The following LTF variants were observed in gnomAD, a reference collection of about 807,000 sequenced individuals.
LTF encodes epididymis luminal protein 110.
Under a neutral mutation model 87.2 loss-of-function variants are expected in LTF, and 91 were observed. That is an observed-to-expected ratio of 1.04 (90% CI 0.88 to 1.24). The LOEUF is 1.24. Among genes scored for constraint, LTF ranks in the 50% most tolerant of loss-of-function variants. The pLI, the probability that LTF is intolerant of heterozygous loss-of-function variation, is 0.00. For synonymous variants in LTF, 378 were observed against 356.1 expected, an observed-to-expected ratio of 1.06 and a Z score of -0.69; for missense variants, 901 against 904.3, an observed-to-expected ratio of 1.00 and a Z score of 0.05.
At chr3:46,463,927 A>C (rs1018187832) in intron 1 of LTF, among the ~76,000 whole-genome samples, 8 of 152,068 alleles carry the variant, frequency 5.3e-5, no homozygotes, top group African/African-American at 1.4e-4. Context: ...ATCCACCGCC[A>C]CCTCTTCCAT....
chr3:46,437,826 TA>T, intron 16 of LTF, 113 bp downstream of exon 16: 1 of 781,778 alleles, frequency 1.3e-6, no homozygotes, highest in Non-Finnish European at 2.2e-6. Flanking sequence ...AAAGAGATAT[TA>T]TCTTTCCTTA....
At chr3:46,454,269 G>A (rs780409363) in intron 6 of LTF, 36 bp downstream of exon 6, 3 of 1,594,254 alleles carry the variant, frequency 1.9e-6, no homozygotes, top group Non-Finnish European at 1.7e-6. Flanking sequence ...TAAGATAAAA[G>A]GGGTCAGTAC....
intron 6 of LTF, among the ~76,000 whole-genome samples, chr3:46,453,731 C>T (rs987535115): frequency 5.3e-5 from 8 of 152,118 alleles, no homozygotes; most frequent in Non-Finnish European, 8.8e-5. Context: ...CCAGGAGGGA[C>T]GCTGTCCAGC....
chr3:46,479,831 A>G (rs936972255), intron 1 of LTF, among the ~76,000 whole-genome samples: 9 of 152,198 alleles, frequency 5.9e-5, no homozygotes, highest in Non-Finnish European at 1.2e-4. Context: ...CCCGGCCAGA[A>G]GTGGCTTTGA....
rs941092029 is a variant in LTF, at chr3:46,445,165, G to A, written c.1513+116C>T. On this transcript the variant is annotated intron_variant, in intron 12 of 16. Transcript: ENST00000231751. ...GGGAGAATTTCCTTATGCTGGAAGAGGCCTGCAGGCCACTATCAGCCTGCA... is the reference window on the plus strand; with the variant it reads ...GGGAGAATTTCCTTATGCTGGAAGAAGCCTGCAGGCCACTATCAGCCTGCA... The A allele has an allele frequency of 1.2e-5, 13 of 1,080,406 alleles. No homozygotes were observed. The African/African-American group carries it at 1.8e-4, about 15-fold the overall frequency. The allele number at this position is 1,080,406 out of a possible 1,614,324, so 66.9% of individuals were successfully genotyped here. A position where few individuals can be genotyped will look rare whatever the true frequency, so the allele number is the denominator to read the frequency against.
At position 46,482,769 on chromosome 3, in the gene LTF, GAA is replaced by G. The variant is rs1703466142; in HGVS notation, c.-320+2215_-320+2216del. Among the ~76,000 whole-genome samples the G allele has an allele frequency of 7.1e-5, 9 of 126,900 alleles. 1 individual carries two copies. Among genetic ancestry groups the G allele is most frequent in the Admixed American group, 3.5e-4 (4 of 11,272 alleles). The allele number at this position is 126,900 out of a possible 152,430, so 83.3% of individuals were successfully genotyped here. A position where few individuals can be genotyped will look rare whatever the true frequency, so the allele number is the denominator to read the frequency against. On this transcript the variant is annotated intron_variant, in intron 1 of 19. Transcript: ENST00000443496. ...AAGGAAAGAAGGAAAGAGAAAGAAAGAAAGAAAGAAAAAGAAAGAAAGAAAGA... is the reference window on the plus strand; with the variant it reads ...AAGGAAAGAAGGAAAGAGAAAGAAAGAGAAAGAAAAAGAAAGAAAGAAAGA...
At chr3:46,461,078 A>G (rs890268949) in intron 1 of LTF, among the ~76,000 whole-genome samples, 2 of 152,282 alleles carry the variant, frequency 1.3e-5, no homozygotes, top group Non-Finnish European at 1.5e-5. Flanking sequence ...TCATTAGTCA[A>G]AAATGCAAAT....
chr3:46,436,206 G>C lies in LTF; in HGVS notation c.2122C>G (p.Leu708Val). ...CATCTTCTTCGGTTTTACTTCCTGA[G>C]GAATTCACAGGCTTCCAGGAGGGCT... ...TSPLLEACEF[L>V]RK Residue 708 changes from leucine to valine, a missense_variant, in exon 17 of 17, where the codon CTC (leucine) becomes GTC (valine). By Grantham distance (32) the Leu-to-Val change is conservative. Transcript: ENST00000231751. The C allele has an allele frequency of 6.2e-7, 1 of 1,614,170 alleles. No individual in the cohort carries two copies.
At chr3:46,443,979 C>T (rs1424415653) in intron 12 of LTF, among the ~76,000 whole-genome samples, 2 of 152,240 alleles carry the variant, frequency 1.3e-5, no homozygotes, top group East Asian at 3.9e-4. Context: ...GTGCTTGGCC[C>T]TTTGGTATAA....
chr3:46,481,535 G>A (rs1204116080), intron 1 of LTF, among the ~76,000 whole-genome samples: 3 of 152,162 alleles, frequency 2.0e-5, no homozygotes, highest in Admixed American at 6.5e-5. Context: ...CTAAGACTTG[G>A]GTAATTGTGA....
At chr3:46,463,448 C>T (rs374354947) in intron 1 of LTF, 1 of 985,884 alleles carries the variant, frequency 1.0e-6, no homozygotes, top group South Asian at 4.7e-5. Flanking sequence ...ACTCACCCAA[C>T]TTCTGTCAGC....
At chr3:46,472,758 C>A (rs374450644) in intron 1 of LTF, among the ~76,000 whole-genome samples, 1 of 152,052 alleles carries the variant, frequency 6.6e-6, no homozygotes, top group African/African-American at 2.4e-5. Context: ...GAGAGCAATG[C>A]CTCTGAACCA....
chr3:46,456,498 G>T, intron 2 of LTF, 100 bp from the exon 3 acceptor site: 3 of 826,064 alleles, frequency 3.6e-6, no homozygotes, highest in Non-Finnish European at 5.9e-6. Context: ...TGGAAGGGTC[G>T]TCAAAGGGGT....
chr3:46,456,269 G>C (rs371903602), intron 3 of LTF, 21 bp downstream of exon 3: 35 of 1,607,100 alleles, frequency 2.2e-5, no homozygotes, highest in Non-Finnish European at 1.7e-6. Flanking sequence ...CGTGGCCTCT[G>C]GGTCCCCAGG....
chr3:46,439,233 G>A, intron 15 of LTF, 63 bp downstream of exon 15: 2 of 1,491,462 alleles, frequency 1.3e-6, no homozygotes, highest in Admixed American at 4.1e-5. Context: ...CTAGCTCTGT[G>A]ATCTCCTCAC....
chr3:46,455,686 C>T (rs1321195307), intron 4 of LTF, 110 bp downstream of exon 4: 1 of 1,332,972 alleles, frequency 7.5e-7, no homozygotes, highest in Non-Finnish European at 1.0e-6. Flanking sequence ...CAGCCTCACC[C>T]CCACCTTGAT....
chr3:46,463,051 C>G (rs1374084575), intron 1 of LTF, among the ~76,000 whole-genome samples: 2 of 152,130 alleles, frequency 1.3e-5, no homozygotes, highest in African/African-American at 4.8e-5. Context: ...GCTCTTACCT[C>G]CCAGCTCTGG....
In LTF at chr3:46,455,339, G is replaced by A; in HGVS notation, c.603C>T (p.Ala201=). 6.2e-7 allele frequency: 1 copy of A among 1,614,234 alleles called. No homozygotes were observed. Among genetic ancestry groups the A allele is most frequent in the African/African-American group, 1.3e-5 (1 of 75,062 alleles). ...TGAAGTACGGTTCCTGGGAGGAGAA[G>A]GCACATTTGTTTTCCCCTGTCCCCG... The part of the protein sequence containing the change: ...LCAGTGENKC[A]FSSQEPYFSY... Residue 201 remains alanine (A), a synonymous_variant, in exon 5 of 17, where the codon GCC becomes GCT. Coordinates refer to ENST00000231751, the MANE Select transcript of LTF (RefSeq NM_002343.6).
intron 2 of LTF, among the ~76,000 whole-genome samples, chr3:46,458,875 C>A (rs1703008485): frequency 6.6e-6 from 1 of 152,218 alleles, no homozygotes; most frequent in Admixed American, 6.5e-5. Flanking sequence ...CGCCCAGCCA[C>A]TGGTACTGTT....
Sources: allele counts gnomAD v4.1 joint callset (sites outside exome capture counted in the v4.1 genomes callset), GRCh38; gene constraint gnomAD v4.1.1; transcripts MANE v1.5; gene names NCBI Gene and HGNC (gene_info 2026-07-23, HGNC 2026-07-21).